Variants in SHROOM4 observed in about 807,000 individuals in gnomAD.
SHROOM4 encodes the protein protein Shroom4.
Under a neutral mutation model 80.3 loss-of-function variants are expected in SHROOM4, and 17 were observed. That is an observed-to-expected ratio of 0.21 (90% CI 0.14 to 0.32). SHROOM4 has a LOEUF of 0.32. Among genes scored for constraint, SHROOM4 ranks in the 10% least tolerant of loss-of-function variants. The pLI is 1.00. For missense variants in SHROOM4, 993 were observed against 1,140.3 expected (o/e 0.87, Z 1.86); for synonymous variants, 400 against 437.5 (o/e 0.91, Z 1.07).
At position 50,638,216 on chromosome X, in the gene SHROOM4, G is replaced by A. The variant is rs782789485; in HGVS notation, c.362C>T (p.Ser121Phe). The change falls in exon 3 of 9, where the codon TCT (serine) becomes TTT (phenylalanine). Residue 121 changes from serine (S) to phenylalanine (F), a missense_variant. Coordinates refer to ENST00000376020, the MANE Select transcript of SHROOM4 (RefSeq NM_020717.5). ...PEAATTMHFP[S>F]EAFSLSWHSG... ...ATGCCAGGACAAGCTGAAGGCTTCA[G>A]AAGGGAAATGCATGGTGGTGGCTGC... 9.1e-6 allele frequency: 11 copies of A among 1,208,134 alleles called. No individual in the cohort carries two copies. In the Admixed American group the frequency reaches 1.5e-4, roughly 17 times the overall value.
chrX:50,612,368 C>G (rs1345960002), intron 5 of SHROOM4, among the ~76,000 whole-genome samples: 2 of 111,445 alleles, frequency 1.8e-5, no homozygotes, highest in Middle Eastern at 4.6e-3. Context: ...AATATATAAA[C>G]CCACCAGTTA....
chrX:50,628,004 C>A (rs141564568), intron 4 of SHROOM4, among the ~76,000 whole-genome samples: 45 of 112,382 alleles, frequency 4.0e-4, no homozygotes, highest in African/African-American at 1.4e-3. Flanking sequence ...CTGGCTCTTG[C>A]CTGCACAGAG....
Position 50,814,092 on chromosome X carries a change from C to T in SHROOM4, c.-74G>A. 5.8e-6 allele frequency: 4 copies of T among 685,082 alleles called. No individual in the cohort carries two copies. Among genetic ancestry groups the T allele is most frequent in the Non-Finnish European group, 9.3e-6 (4 of 429,055 alleles). 56.5% of individuals were successfully genotyped at this position (685,082 alleles called of 1,213,427 possible). A position where few individuals can be genotyped will look rare whatever the true frequency, so the allele number is the denominator to read the frequency against. On this transcript the variant is annotated 5_prime_UTR_variant, in exon 1 of 9. Transcript: ENST00000376020. ...GTTGCCTCCGCCCCCAGCAGCTCCG[C>T]CACCATCGCCCTCCAGCTCTACGCC...
chrX:50,599,196 C>G (rs1442109786), intron 7 of SHROOM4, among the ~76,000 whole-genome samples: 1 of 111,106 alleles, frequency 9.0e-6, no homozygotes, highest in African/African-American at 3.3e-5. Flanking sequence ...TTTTGAGAGC[C>G]TAGGTTGGAA....
chrX:50,581,471 C>T, the SHROOM4 span, among the ~76,000 whole-genome samples: 3 of 111,149 alleles, frequency 2.7e-5, no homozygotes, highest in Non-Finnish European at 3.8e-5. Flanking sequence ...CCTGTCAGTC[C>T]GGCTGAGGGT....
chrX:50,734,007 A>G (rs1181027056), intron 1 of SHROOM4, among the ~76,000 whole-genome samples: 1 of 112,306 alleles, frequency 8.9e-6, no homozygotes, highest in African/African-American at 3.2e-5. Flanking sequence ...ATTGAGCATA[A>G]CAATTCTATT....
rs3215652 is a variant in SHROOM4 at position 50,593,529 on chromosome X, A to ACC, written c.*3164_*3165dup. On this transcript the variant is annotated 3_prime_UTR_variant, in exon 9 of 9. Coordinates refer to ENST00000376020, the MANE Select transcript of SHROOM4 (RefSeq NM_020717.5). ...ATCTATAGAAACTGTCCCCTGCCCC[A>ACC]CCCCCCCAAAAAGATCTACTAATCT... The ACC allele has an allele frequency of 2.3e-4, 23 of 99,402 alleles. No individual in the cohort carries two copies. Among genetic ancestry groups the ACC allele is most frequent in the South Asian group, 5.1e-4 (1 of 1,960 alleles). The allele number at this position is 99,402 out of a possible 1,213,427, so 8.2% of individuals were successfully genotyped here. A position where few individuals can be genotyped will look rare whatever the true frequency, so the allele number is the denominator to read the frequency against.
At chrX:50,675,129 G>C (rs113574055) in intron 2 of SHROOM4, among the ~76,000 whole-genome samples, 4,530 of 111,316 alleles carry the variant, frequency 0.041, 233 homozygotes, top group African/African-American at 0.14. Context: ...TCCATACGTT[G>C]TCATCATTTA....
intron 1 of SHROOM4, among the ~76,000 whole-genome samples, chrX:50,779,056 G>A (rs1341468831): frequency 4.5e-5 from 5 of 112,067 alleles, no homozygotes; most frequent in African/African-American, 1.6e-4. Context: ...TTTTTAGAAG[G>A]TAATTATAAT....
intron 1 of SHROOM4, among the ~76,000 whole-genome samples, chrX:50,762,530 T>G (rs1420409002): frequency 8.9e-6 from 1 of 112,572 alleles, no homozygotes; most frequent in Non-Finnish European, 1.9e-5. Context: ...GTGACATCAC[T>G]TCCTTTCAGC....
chrX:50,763,373 C>A (rs1935200362), intron 1 of SHROOM4, among the ~76,000 whole-genome samples: 1 of 111,290 alleles, frequency 9.0e-6, no homozygotes, highest in South Asian at 3.8e-4. Flanking sequence ...ATTATCTACC[C>A]CTACAACCTC....
At chrX:50,725,935 T>G (rs897859055) in intron 1 of SHROOM4, among the ~76,000 whole-genome samples, 2 of 112,063 alleles carry the variant, frequency 1.8e-5, no homozygotes, top group South Asian at 7.5e-4. Flanking sequence ...CAGGAAGATG[T>G]GGGGAAGTTT....
At chrX:50,666,815 C>G (rs1303078789) in intron 2 of SHROOM4, among the ~76,000 whole-genome samples, 2 of 109,854 alleles carry the variant, frequency 1.8e-5, no homozygotes, top group African/African-American at 6.6e-5. Flanking sequence ...TTTTTTATGA[C>G]TGAGAGAAGG....
chrX:50,608,316 GTAA>G (rs782262073), intron 5 of SHROOM4, 132 bp from the exon 6 acceptor site: 3 of 513,397 alleles, frequency 5.8e-6, no homozygotes, highest in African/African-American at 4.8e-5. Context: ...TGTAATAATA[GTAA>G]TAATAATATT....
At chrX:50,764,826 A>C (rs957091926) in intron 1 of SHROOM4, among the ~76,000 whole-genome samples, 2 of 111,392 alleles carry the variant, frequency 1.8e-5, no homozygotes, top group Admixed American at 1.9e-4. Context: ...CCATTTTCAT[A>C]CTGCTATGAA....
intron 2 of SHROOM4, among the ~76,000 whole-genome samples, chrX:50,643,090 C>T (rs574280126): frequency 4.5e-5 from 5 of 111,414 alleles, no homozygotes; most frequent in Admixed American, 1.9e-4. Flanking sequence ...AAAATGCCTA[C>T]GACCAACCAT....
chrX:50,704,780 G>C (rs1557263817), intron 1 of SHROOM4, among the ~76,000 whole-genome samples: 1 of 110,979 alleles, frequency 9.0e-6, no homozygotes. Context: ...GACGAAGGGA[G>C]AGGGGGTTTG....
At chrX:50,696,365 G>C (rs782634313) in intron 1 of SHROOM4, among the ~76,000 whole-genome samples, 1 of 111,873 alleles carries the variant, frequency 8.9e-6, no homozygotes, top group South Asian at 3.7e-4. Flanking sequence ...TCTGACAAAC[G>C]TAAGTTTGAA....
intron 2 of SHROOM4, among the ~76,000 whole-genome samples, chrX:50,659,883 C>T (rs1557259804): frequency 1.8e-5 from 2 of 112,114 alleles, no homozygotes; most frequent in South Asian, 3.8e-4. Context: ...TTGTGCTTAA[C>T]GATATATACT....
Sources: allele counts gnomAD v4.1 joint callset (sites outside exome capture counted in the v4.1 genomes callset), GRCh38; gene constraint gnomAD v4.1.1; transcripts MANE v1.5; gene names NCBI Gene and HGNC (gene_info 2026-07-23, HGNC 2026-07-21).